Variants in GPR176 observed in about 807,000 individuals in gnomAD.
The protein encoded by GPR176 is G protein-coupled receptor 176.
A neutral mutation model predicts 35.4 loss-of-function variants in GPR176; 26 were observed. The observed-to-expected ratio is 0.74, with a 90% CI of 0.54 to 1.02. The LOEUF (loss-of-function observed/expected upper bound fraction) is 1.02, where lower values mean the gene tolerates loss of function less well. Ranked by LOEUF, GPR176 falls within the 50% of genes least tolerant of loss-of-function variation. GPR176 has a pLI of 0.00. For missense variants in GPR176, 597 were observed against 665.3 expected, an observed-to-expected ratio of 0.90 and a Z score of 1.13; for synonymous variants, 278 against 271.3, an observed-to-expected ratio of 1.02 and a Z score of -0.24.
At position 39,801,319 on chromosome 15, in the gene GPR176, C is replaced by T. The variant is rs1171866587; in HGVS notation, c.1361G>A (p.Gly454Asp). Residue 454 changes from glycine (G) to aspartate (D), a missense_variant, in exon 3 of 3, where the codon GGC becomes GAC. Around this residue, in one of 3 missense-constraint regions of GPR176, gnomAD observed 251 missense variants for 255.4 expected, o/e 0.98. Transcript: ENST00000561100. ...TFPDKYSLQF[G>D]FGPFELPPQW... The stretch of plus-strand genomic sequence containing the variant: ...AGGAGGCAACTCAAAAGGCCCAAAG[C>T]CAAACTGCAGGGAATACTTATCAGG... 1 of 1,614,174 alleles carries T rather than the reference C, an allele frequency of 6.2e-7. No homozygotes were observed. The highest frequency in any genetic ancestry group is 8.5e-7 in the Non-Finnish European group (1 of 1,179,998).
At chr15:39,883,389 ACACTT>A (rs1287531468) in intron 1 of GPR176, among the ~76,000 whole-genome samples, 3 of 152,180 alleles carry the variant, frequency 2.0e-5, no homozygotes, top group Non-Finnish European at 4.4e-5. Flanking sequence ...TTAAAAAAAA[ACACTT>A]CATTGAGGTA....
At chr15:39,808,629 C>T (rs1899342766) in intron 1 of GPR176, among the ~76,000 whole-genome samples, 1 of 152,176 alleles carries the variant, frequency 6.6e-6, no homozygotes. Context: ...TGTTATCTCT[C>T]CATTTCATGA....
intron 1 of GPR176, among the ~76,000 whole-genome samples, chr15:39,902,506 A>G (rs1020942160): frequency 6.6e-6 from 1 of 152,210 alleles, no homozygotes; most frequent in African/African-American, 2.4e-5. Flanking sequence ...GCTTCTGGTC[A>G]TTTGTAGATT....
chr15:39,884,432 T>C (rs2032595269), intron 1 of GPR176, among the ~76,000 whole-genome samples: 1 of 152,240 alleles, frequency 6.6e-6, no homozygotes, highest in African/African-American at 2.4e-5. Flanking sequence ...ACTAGCAGTT[T>C]TCCAAGTTTG....
intron 1 of GPR176, among the ~76,000 whole-genome samples, chr15:39,905,711 GGTTACATACCAC>G (rs1463575910): frequency 6.6e-6 from 1 of 152,122 alleles, no homozygotes; most frequent in African/African-American, 2.4e-5. Context: ...AATCCCAAAA[GGTTACATACCAC>G]AGTATTCCAT....
At chr15:39,874,852 T>C (rs1808784) in intron 1 of GPR176, among the ~76,000 whole-genome samples, 2,865 of 152,252 alleles carry the variant, frequency 0.019, 93 homozygotes, top group African/African-American at 0.066. Flanking sequence ...AAGACCAGCC[T>C]GACCAACATG....
At chr15:39,895,272 GAGACCGTGGGGAGAGGA>G (rs756271152) in intron 1 of GPR176, among the ~76,000 whole-genome samples, 21,139 of 116,402 alleles carry the variant, frequency 0.18, 3,047 homozygotes, top group Non-Finnish European at 0.26. Flanking sequence ...GAGGGAGAGG[GAGACCGTGGGGAGAGGA>G]AGAGGGGGAG....
intron 1 of GPR176, among the ~76,000 whole-genome samples, chr15:39,855,600 C>T (rs1194076365): frequency 1.3e-5 from 2 of 152,072 alleles, no homozygotes; most frequent in South Asian, 4.2e-4. Flanking sequence ...GCATCCAAGC[C>T]CCAGCATTAT....
intron 1 of GPR176, among the ~76,000 whole-genome samples, chr15:39,911,378 A>C (rs1447389830): frequency 4.6e-5 from 7 of 152,220 alleles, no homozygotes. Flanking sequence ...CTTAATCTGA[A>C]AGTTTTTCAG....
At chr15:39,825,349 T>A (rs1299446394) in intron 1 of GPR176, among the ~76,000 whole-genome samples, 1 of 152,234 alleles carries the variant, frequency 6.6e-6, no homozygotes, top group Non-Finnish European at 1.5e-5. Flanking sequence ...CTTAATTTTA[T>A]GTAAGTGGCC....
Position 39,919,895 on chromosome 15 carries a change from G to A in GPR176, c.132C>T (p.Thr44=), listed in dbSNP as rs1226223868. 4.6e-6 allele frequency: 7 copies of A among 1,520,654 alleles called. No homozygotes were observed. Among genetic ancestry groups the A allele is most frequent in the Non-Finnish European group, 6.2e-6 (7 of 1,138,000 alleles). The allele number at this position is 1,520,654 out of a possible 1,614,324, so 94.2% of individuals were successfully genotyped here. Residue 44 remains threonine (T), a synonymous_variant, in exon 1 of 3, where the codon ACC becomes ACT. Transcript: ENST00000561100. ...TGAAGATGACGACCTGCACGGTGGT[G>A]GTGAACTGGCGGTACAGCTGCGCCT... ...FGEAQLYRQF[T]TTVQVVIFIG...
chr15:39,891,651 T>C (rs2032876413), intron 1 of GPR176, among the ~76,000 whole-genome samples: 1 of 152,132 alleles, frequency 6.6e-6, no homozygotes. Context: ...CATGCTATCT[T>C]AGAGCCAAAA....
At chr15:39,897,558 AT>A (rs1469237359) in intron 1 of GPR176, among the ~76,000 whole-genome samples, 1 of 150,122 alleles carries the variant, frequency 6.7e-6, no homozygotes, top group African/African-American at 2.5e-5. Flanking sequence ...CTGATAGCAA[AT>A]TGCACTCATT....
chr15:39,890,077 A>G (rs1157497575), intron 1 of GPR176, among the ~76,000 whole-genome samples: 2 of 152,188 alleles, frequency 1.3e-5, no homozygotes, highest in Non-Finnish European at 2.9e-5. Context: ...ATCATTTTCA[A>G]TATGATGATA....
intron 1 of GPR176, among the ~76,000 whole-genome samples, chr15:39,875,291 G>A (rs576848710): frequency 5.3e-5 from 8 of 152,042 alleles, no homozygotes; most frequent in Non-Finnish European, 1.2e-4. Context: ...AAAACCAACC[G>A]TTTCTAAAAA....
At chr15:39,870,975 C>T (rs747314130) in intron 1 of GPR176, among the ~76,000 whole-genome samples, 4 of 152,172 alleles carry the variant, frequency 2.6e-5, no homozygotes, top group Non-Finnish European at 4.4e-5. Flanking sequence ...GCAGCCCCCA[C>T]TGACACCTTC....
chr15:39,850,852 T>TA (rs2030814198), intron 1 of GPR176, among the ~76,000 whole-genome samples: 1 of 151,424 alleles, frequency 6.6e-6, no homozygotes, highest in South Asian at 2.1e-4. Flanking sequence ...AATGAATGAT[T>TA]AAAAAAACAA....
intron 1 of GPR176, among the ~76,000 whole-genome samples, chr15:39,912,282 A>G (rs2033598573): frequency 6.6e-6 from 1 of 152,158 alleles, no homozygotes; most frequent in Admixed American, 6.5e-5. Flanking sequence ...TATGACTAAC[A>G]ACAATCTTCC....
chr15:39,873,395 A>G (rs1054352751), intron 1 of GPR176, among the ~76,000 whole-genome samples: 1 of 152,164 alleles, frequency 6.6e-6, no homozygotes, highest in African/African-American at 2.4e-5. Context: ...GGCAGAATCA[A>G]TTTGGGAATG....
Sources: gnomAD v4.1 joint callset for allele counts (sites outside exome capture counted in the v4.1 genomes callset) on GRCh38, gnomAD v4.1.1 for gene constraint, gnomAD v4.1.1 regional missense constraint, MANE v1.5 for transcripts, NCBI Gene and HGNC (gene_info 2026-07-23, HGNC 2026-07-21) for gene names.